Variants in POC1A observed in about 807,000 individuals in gnomAD.
POC1A encodes POC1 centriolar protein A, also known as POC1 centriolar protein homolog A.
A neutral mutation model predicts 47.8 loss-of-function variants in POC1A; 34 were observed. The observed-to-expected ratio is 0.71, with a 90% CI of 0.54 to 0.95. The LOEUF is 0.95. Ranked by LOEUF, POC1A falls within the 40% of genes least tolerant of loss-of-function variation. POC1A has a pLI of 0.00. For synonymous variants in POC1A, 177 were observed against 207.6 expected (o/e 0.85, Z 1.27); for missense variants, 466 against 528.3 (o/e 0.88, Z 1.16).
intron 1 of POC1A, among the ~76,000 whole-genome samples, chr3:52,153,374 G>A (rs1213283667): frequency 6.6e-6 from 1 of 152,208 alleles, no homozygotes; most frequent in Non-Finnish European, 1.5e-5. Flanking sequence ...TGTCCTTGGG[G>A]CACAGCAAAG....
At chr3:52,100,119 CT>C (rs1436555753) in intron 9 of POC1A, among the ~76,000 whole-genome samples, 1 of 152,240 alleles carries the variant, frequency 6.6e-6, no homozygotes, top group African/African-American at 2.4e-5. Context: ...CCTGTTTCCT[CT>C]GCTGCCTGCT....
At chr3:52,097,230 G>A (rs773663457) in intron 9 of POC1A, among the ~76,000 whole-genome samples, 3 of 152,242 alleles carry the variant, frequency 2.0e-5, no homozygotes, top group Non-Finnish European at 4.4e-5. Flanking sequence ...CCAGAACTTG[G>A]TGGAAGTGTG....
Position 52,149,153 on chromosome 3 carries a change from G to A in POC1A, c.455+57C>T. The A allele has an allele frequency of 1.3e-6, 2 of 1,532,406 alleles. 1 individual carries two copies. The highest frequency in any genetic ancestry group is 1.8e-6 in the Non-Finnish European group (2 of 1,107,916). The allele number at this position is 1,532,406 out of a possible 1,614,324, so 94.9% of individuals were successfully genotyped here. ...ATAAGTTGGTACCTAGCAGCCCCTGGGCCAGCCCCCAACCCCCAGGGTTCC... is the reference window on the plus strand; with the variant it reads ...ATAAGTTGGTACCTAGCAGCCCCTGAGCCAGCCCCCAACCCCCAGGGTTCC... On this transcript the variant is annotated intron_variant, in intron 4 of 10. Coordinates refer to ENST00000296484, the MANE Select transcript of POC1A (RefSeq NM_015426.5).
intron 10 of POC1A, among the ~76,000 whole-genome samples, chr3:52,081,815 C>A (rs566732378): frequency 9.5e-4 from 144 of 151,852 alleles, no homozygotes; most frequent in Non-Finnish European, 1.7e-3. Context: ...GAGGTGCAGG[C>A]AAGAGAGAAC....
chr3:52,122,471 C>T lies in POC1A; in HGVS notation c.889G>A (p.Val297Ile), dbSNP rs948393275. ...ACAATATCAAAGTTACTCTTCCAAA[C>T]CATCACCTGCCAAAACCAACAGGCA... ...ASGGSDEQVM[V>I]WKSNFDIVDH... is the part of the protein sequence containing the mutation. Residue 297 changes from valine to isoleucine, a missense_variant, in exon 9 of 11, where the codon GTT becomes ATT. Coordinates refer to ENST00000296484, the MANE Select transcript of POC1A (RefSeq NM_015426.5). 3.7e-6 allele frequency: 6 copies of T among 1,602,394 alleles called. No individual in the cohort carries two copies. Among genetic ancestry groups the T allele is most frequent in the Non-Finnish European group, 5.1e-6 (6 of 1,169,290 alleles).
chr3:52,125,356 A>G (rs971815365), intron 7 of POC1A, among the ~76,000 whole-genome samples, 175 bp from the exon 8 acceptor site: 23 of 152,180 alleles, frequency 1.5e-4, no homozygotes, highest in African/African-American at 5.5e-4. Flanking sequence ...AGCCAGGTGC[A>G]AGCACCACCG....
chr3:52,148,440 C>A (rs1313962579), intron 4 of POC1A, among the ~76,000 whole-genome samples: 1 of 152,256 alleles, frequency 6.6e-6, no homozygotes, highest in Non-Finnish European at 1.5e-5. Flanking sequence ...TGTCACCTGG[C>A]ACCCCAACCC....
chr3:52,147,423 A>C (rs928649311), intron 4 of POC1A, among the ~76,000 whole-genome samples: 1 of 151,116 alleles, frequency 6.6e-6, no homozygotes, highest in Non-Finnish European at 1.5e-5. Flanking sequence ...ACTGTGACTA[A>C]ATTTTGTTTT....
At chr3:52,093,121 C>T (rs1288426871) in intron 10 of POC1A, among the ~76,000 whole-genome samples, 1 of 152,252 alleles carries the variant, frequency 6.6e-6, no homozygotes, top group Non-Finnish European at 1.5e-5. Context: ...AGGGTGAACT[C>T]CTGGGCTGCT....
At chr3:52,127,434 G>C (rs1025127895) in intron 7 of POC1A, among the ~76,000 whole-genome samples, 16 of 150,224 alleles carry the variant, frequency 1.1e-4, no homozygotes, top group African/African-American at 3.2e-4. Flanking sequence ...TCTGTTGCCC[G>C]GGCTGGAGTG....
chr3:52,088,633 G>A (rs1298000920), intron 10 of POC1A, among the ~76,000 whole-genome samples: 1 of 152,076 alleles, frequency 6.6e-6, no homozygotes, highest in Non-Finnish European at 1.5e-5. Flanking sequence ...TCAGAGCGGT[G>A]CAGGCCAGTT....
intron 7 of POC1A, among the ~76,000 whole-genome samples, chr3:52,129,752 C>A (rs1172531128): frequency 1.3e-5 from 2 of 152,232 alleles, no homozygotes; most frequent in Non-Finnish European, 2.9e-5. Context: ...TGAACCCAGA[C>A]ACAGCCTGGC....
intron 10 of POC1A, among the ~76,000 whole-genome samples, chr3:52,091,836 G>A (rs1386017490): frequency 6.6e-6 from 1 of 152,194 alleles, no homozygotes; most frequent in Non-Finnish European, 1.5e-5. Flanking sequence ...TTAACCAAGA[G>A]CCGCACAGCA....
rs1179822019 is a variant in POC1A, at chr3:52,127,567, G to A, written c.814-2386C>T. ...CACCACGCCCAGCTAAATTTTTTTT[G>A]TATTTTTAGTAGAGATGGGGTTTCA... On this transcript the variant is annotated intron_variant, in intron 7 of 10. Transcript: ENST00000296484. Among the ~76,000 whole-genome samples, 5 of 150,740 alleles carry A rather than the reference G, an allele frequency of 3.3e-5. No homozygotes were observed. In the South Asian group the frequency reaches 8.4e-4, roughly 25 times the overall value.
At chr3:52,108,308 T>C (rs1330494095) in intron 9 of POC1A, among the ~76,000 whole-genome samples, 1 of 152,100 alleles carries the variant, frequency 6.6e-6, no homozygotes, top group Non-Finnish European at 1.5e-5. Flanking sequence ...ACAAACTCTG[T>C]GTGTCAGCTC....
chr3:52,154,410 G>C lies in POC1A; in HGVS notation c.-38C>G. 4 of 1,421,810 alleles carry C rather than the reference G, an allele frequency of 2.8e-6. No homozygotes were observed. Among genetic ancestry groups the C allele is most frequent in the South Asian group, 1.4e-5 (1 of 69,310 alleles). 88.1% of individuals were successfully genotyped at this position (1,421,810 alleles called of 1,614,324 possible). A position where few individuals can be genotyped will look rare whatever the true frequency, so the allele number is the denominator to read the frequency against. ...GGCGCCGAAGGCAGCTGCGGTGGCC[G>C]TTGCGGCCCGTTCAGTTTCCGCGCC... is the stretch of plus-strand genomic sequence containing the variant. On this transcript the variant is annotated 5_prime_UTR_variant, in exon 1 of 11. Transcript: ENST00000296484.
chr3:52,092,979 A>G (rs1326387114), intron 10 of POC1A, among the ~76,000 whole-genome samples: 2 of 152,164 alleles, frequency 1.3e-5, no homozygotes, highest in Non-Finnish European at 2.9e-5. Flanking sequence ...TGTTTGTCTC[A>G]TCGCCCCTGG....
At chr3:52,150,589 G>C (rs1428812642) in intron 2 of POC1A, among the ~76,000 whole-genome samples, 1 of 152,078 alleles carries the variant, frequency 6.6e-6, no homozygotes, top group African/African-American at 2.4e-5. Flanking sequence ...GGGGTCGAGG[G>C]GGGTGCCCAT....
intron 7 of POC1A, among the ~76,000 whole-genome samples, chr3:52,128,491 C>A (rs572472569): frequency 6.6e-6 from 1 of 152,196 alleles, no homozygotes; most frequent in Non-Finnish European, 1.5e-5. Context: ...AAGAGGACCA[C>A]GCAGCCCCTG....
Sources: allele counts gnomAD v4.1 joint callset (sites outside exome capture counted in the v4.1 genomes callset), GRCh38; gene constraint gnomAD v4.1.1; transcripts MANE v1.5; gene names NCBI Gene and HGNC (gene_info 2026-07-23, HGNC 2026-07-21).